OR3A2: variants seen among roughly 807,000 people sequenced by gnomAD.
OR3A2 encodes olfactory receptor family 3 subfamily A member 2.
For synonymous variants in OR3A2, 126 were observed against 159.3 expected (o/e 0.79, Z 1.57); for missense variants, 318 against 392.8 (o/e 0.81, Z 1.61).
In OR3A2 at chr17:3,292,508, C is replaced by T. The variant is rs370638388; in HGVS notation, c.-84-13355G>A. 6.8e-6 allele frequency: 11 copies of T among 1,613,806 alleles called. No individual in the cohort carries two copies. In the African/African-American group the frequency reaches 1.5e-4, roughly 22 times the overall value. The stretch of plus-strand genomic sequence containing the variant: ...AGAGCACAAAGACAACTGGCTGCAG[C>T]CCTGGCGCCTCCAGCAAGCCCAGCA... On this transcript the variant is annotated intron_variant, in intron 3 of 4. Coordinates refer to the OR3A2 transcript ENST00000573491.
intron 1 of OR3A2, among the ~76,000 whole-genome samples, chr17:3,280,060 G>C (rs1461284889): frequency 6.6e-6 from 1 of 151,926 alleles, no homozygotes; most frequent in Non-Finnish European, 1.5e-5. Context: ...ATGTTTTTCT[G>C]TGTGTATTAT....
At chr17:3,319,239 T>G (rs2049100045) in intron 3 of OR3A2, among the ~76,000 whole-genome samples, 1 of 152,168 alleles carries the variant, frequency 6.6e-6, no homozygotes, top group Non-Finnish European at 1.5e-5. Context: ...TATTGTTGGG[T>G]TATTGAGTCT....
intron 2 of OR3A2, among the ~76,000 whole-genome samples, chr17:3,364,542 A>T (rs2049547241): frequency 6.6e-6 from 1 of 152,196 alleles, no homozygotes; most frequent in Admixed American, 6.5e-5. Flanking sequence ...TCTCTACTGT[A>T]GTGAGTTCAC....
chr17:3,344,416 C>A (rs2049346031), intron 2 of OR3A2, among the ~76,000 whole-genome samples: 1 of 152,124 alleles, frequency 6.6e-6, no homozygotes, highest in African/African-American at 2.4e-5. Flanking sequence ...GACTCCAGGC[C>A]ACTACTGTAC....
chr17:3,313,157 C>T (rs979363020), intron 3 of OR3A2, among the ~76,000 whole-genome samples: 5 of 152,146 alleles, frequency 3.3e-5, no homozygotes, highest in Non-Finnish European at 2.9e-5. Context: ...CGTGCACTAT[C>T]GTGGCCATTT....
chr17:3,283,543 A>G (rs959870501), intron 1 of OR3A2, among the ~76,000 whole-genome samples: 1 of 152,174 alleles, frequency 6.6e-6, no homozygotes, highest in Non-Finnish European at 1.5e-5. Context: ...ATATTTCTTA[A>G]ATAAATGGAT....
exon 2 of OR3A2, chr17:3,277,938 A>C (rs1567538835): frequency 6.4e-7 from 1 of 1,552,304 alleles, no homozygotes; most frequent in African/African-American, 1.4e-5. Context: ...CTCAGTCCAG[A>C]AAAGGCAGGA....
At chr17:3,318,229 G>A (rs573096266) in intron 3 of OR3A2, among the ~76,000 whole-genome samples, 1 of 152,158 alleles carries the variant, frequency 6.6e-6, no homozygotes, top group Non-Finnish European at 1.5e-5. Context: ...GGAAGACTGG[G>A]AATTTCCTGA....
At position 3,300,765 on chromosome 17, in the gene OR3A2, A is replaced by C. The variant is rs372790760; in HGVS notation, c.-84-21612T>G. On this transcript the variant is annotated intron_variant, in intron 3 of 4. Coordinates refer to the OR3A2 transcript ENST00000573491. ...GTGCAGGTTTGTTACATATGTATACATGTGCTGTGTTGGTGTGCTGCACCC... is the reference window on the plus strand; with the variant it reads ...GTGCAGGTTTGTTACATATGTATACCTGTGCTGTGTTGGTGTGCTGCACCC... Among the ~76,000 whole-genome samples the C allele has an allele frequency of 9.9e-5, 15 of 151,958 alleles. 1 individual carries two copies. The East Asian group carries it at 1.5e-3, about 16-fold the overall frequency.
intron 3 of OR3A2, chr17:3,298,140 A>T (rs577408941): frequency 6.6e-6 from 1 of 152,304 alleles, no homozygotes; most frequent in East Asian, 1.9e-4. Flanking sequence ...AGACCCTATG[A>T]ATAAATAAGA....
At chr17:3,341,504 A>T (rs1183057288) in intron 2 of OR3A2, among the ~76,000 whole-genome samples, 1 of 152,048 alleles carries the variant, frequency 6.6e-6, no homozygotes, top group Non-Finnish European at 1.5e-5. Flanking sequence ...AAAGGATTTT[A>T]TTTCTCCTTC....
At chr17:3,349,248 A>G (rs1291932584) in intron 2 of OR3A2, among the ~76,000 whole-genome samples, 2 of 152,204 alleles carry the variant, frequency 1.3e-5, no homozygotes, top group Non-Finnish European at 2.9e-5. Context: ...AATTGGATAA[A>G]GAGTCAAGAC....
intron 3 of OR3A2, among the ~76,000 whole-genome samples, chr17:3,331,610 A>T (rs1384255043): frequency 6.6e-6 from 1 of 151,884 alleles, no homozygotes; most frequent in Non-Finnish European, 1.5e-5. Flanking sequence ...CTACTTATAC[A>T]TTCTTCTAAA....
At position 3,291,739 on chromosome 17, in the gene OR3A2, T is replaced by C. The variant is rs553536558; in HGVS notation, c.-84-12586A>G. 37 of 1,613,800 alleles carry C rather than the reference T, an allele frequency of 2.3e-5. No individual in the cohort carries two copies. In the Middle Eastern group the frequency reaches 6.6e-4, roughly 29 times the overall value. On this transcript the variant is annotated intron_variant, in intron 3 of 4. Coordinates refer to the OR3A2 transcript ENST00000573491. ...GGGTTCAGCATGGGATTGATGACAGTGTTGAAAATTCCAACAGCTTTATCC... is the reference window on the plus strand; with the variant it reads ...GGGTTCAGCATGGGATTGATGACAGCGTTGAAAATTCCAACAGCTTTATCC...
chr17:3,303,097 A>G (rs2048977247), intron 3 of OR3A2, among the ~76,000 whole-genome samples: 1 of 152,304 alleles, frequency 6.6e-6, no homozygotes, highest in Non-Finnish European at 1.5e-5. Flanking sequence ...CTTTCAATAA[A>G]TAGTGCTGGA....
In OR3A2 at chr17:3,290,731, C is replaced by T. The variant is rs574148279; in HGVS notation, c.-84-11578G>A. Among the ~76,000 whole-genome samples the T allele has an allele frequency of 2.0e-5, 3 of 152,296 alleles. No homozygotes were observed. The South Asian group carries it at 6.2e-4, about 32-fold the overall frequency. On this transcript the variant is annotated intron_variant, in intron 3 of 4. Transcript: ENST00000573491. ...TCTGGGTCAGAGCCACACTCCCCTACTGAGAAGGGACATTCAGGGTGACTC... is the reference window on the plus strand; with the variant it reads ...TCTGGGTCAGAGCCACACTCCCCTATTGAGAAGGGACATTCAGGGTGACTC...
chr17:3,383,505 C>T lies in OR3A2; in HGVS notation c.-179+299G>A, dbSNP rs552836284. Among the ~76,000 whole-genome samples the T allele has an allele frequency of 2.5e-4, 38 of 152,268 alleles. 1 individual carries two copies. The South Asian group carries it at 7.5e-3, about 30-fold the overall frequency. On this transcript the variant is annotated intron_variant, in intron 2 of 4. Transcript: ENST00000573491. The stretch of plus-strand genomic sequence containing the variant: ...AGGAAATGAAGTGGGTCCACGTTTC[C>T]ACAGCCAGTCAGGATGAAAATCCAG...
chr17:3,363,131 C>A (rs768937290), intron 2 of OR3A2, among the ~76,000 whole-genome samples: 4 of 151,812 alleles, frequency 2.6e-5, no homozygotes, highest in Admixed American at 6.6e-5. Flanking sequence ...TCTTGGCTCC[C>A]CATTAAATAT....
intron 3 of OR3A2, among the ~76,000 whole-genome samples, chr17:3,289,676 G>T (rs1346517703): frequency 2.0e-5 from 3 of 152,206 alleles, no homozygotes; most frequent in East Asian, 1.9e-4. Flanking sequence ...CGCAGTGGAA[G>T]AACCTTAATA....
Sources: allele counts gnomAD v4.1 joint callset (sites outside exome capture counted in the v4.1 genomes callset), GRCh38; gene constraint gnomAD v4.1.1; transcripts MANE v1.5; gene names NCBI Gene and HGNC (gene_info 2026-07-23, HGNC 2026-07-21).